ANKFN1: variants seen among roughly 807,000 people sequenced by gnomAD.
ANKFN1 encodes the protein ankyrin repeat and fibronectin type-III domain-containing protein 1.
In ANKFN1, 74 loss-of-function variants were observed where a neutral mutation model predicts 108.7. That is an observed-to-expected ratio of 0.68 (90% confidence interval 0.56 to 0.83). The LOEUF (loss-of-function observed/expected upper bound fraction) is 0.83, where lower values mean the gene tolerates loss of function less well. Ranked by LOEUF, ANKFN1 falls within the 40% of genes least tolerant of loss-of-function variation. ANKFN1 has a pLI of 0.00. For missense variants in ANKFN1, 1,505 were observed against 1,382.3 expected (o/e 1.09, Z -1.41); for synonymous variants, 547 against 516.2 (o/e 1.06, Z -0.81).
At chr17:56,433,208 G>T (rs2048817959) in intron 8 of ANKFN1, among the ~76,000 whole-genome samples, 1 of 152,002 alleles carries the variant, frequency 6.6e-6, no homozygotes, top group Non-Finnish European at 1.5e-5. Context: ...TTTTGAATCT[G>T]CAGCCAAATG....
chr17:56,171,578 C>T (rs1416813395), intron 1 of ANKFN1, among the ~76,000 whole-genome samples: 3 of 152,096 alleles, frequency 2.0e-5, no homozygotes, highest in Non-Finnish European at 2.9e-5. Flanking sequence ...CGTGGGTGAA[C>T]AGAAGGGGAA....
chr17:56,110,450 TGC>T (rs1905898099), intron 4 of ANKFN1, among the ~76,000 whole-genome samples: 1 of 152,224 alleles, frequency 6.6e-6, no homozygotes, highest in African/African-American at 2.4e-5. Flanking sequence ...ATTATATATT[TGC>T]TTGTGGGACT....
chr17:56,448,550 T>A (rs192367278), intron 10 of ANKFN1, among the ~76,000 whole-genome samples: 11 of 152,330 alleles, frequency 7.2e-5, no homozygotes, highest in Non-Finnish European at 1.5e-5. Context: ...GAGCAAAATG[T>A]AGATTTCCAT....
At chr17:56,373,974 T>C (rs1274702772) in intron 7 of ANKFN1, among the ~76,000 whole-genome samples, 1 of 152,178 alleles carries the variant, frequency 6.6e-6, no homozygotes, top group African/African-American at 2.4e-5. Context: ...GGACATGACA[T>C]CCACCCATAA....
chr17:56,320,341 GAACATAAAT>G (rs1298888097), intron 3 of ANKFN1, among the ~76,000 whole-genome samples: 1 of 152,130 alleles, frequency 6.6e-6, no homozygotes, highest in Non-Finnish European at 1.5e-5. Context: ...AAGACAGTGT[GAACATAAAT>G]ATTATAACCT....
chr17:56,347,847 G>A (rs1348093174), intron 4 of ANKFN1, among the ~76,000 whole-genome samples: 1 of 152,038 alleles, frequency 6.6e-6, no homozygotes, highest in Non-Finnish European at 1.5e-5. Context: ...AAGGGGCCAT[G>A]TGGGTAGGTG....
chr17:56,112,524 A>G (rs1221066830), intron 4 of ANKFN1, among the ~76,000 whole-genome samples: 1 of 152,072 alleles, frequency 6.6e-6, no homozygotes, highest in African/African-American at 2.4e-5. Flanking sequence ...CATGTATCCA[A>G]GCCAAATCTA....
At chr17:56,414,640 A>G (rs958877152) in intron 8 of ANKFN1, among the ~76,000 whole-genome samples, 7 of 152,236 alleles carry the variant, frequency 4.6e-5, no homozygotes, top group Admixed American at 4.6e-4. Context: ...AATATATCAT[A>G]TAATCAGAAT....
At chr17:56,351,236 CA>C (rs11312453) in intron 5 of ANKFN1, among the ~76,000 whole-genome samples, 614 of 144,588 alleles carry the variant, frequency 4.2e-3, no homozygotes, top group African/African-American at 0.014. Flanking sequence ...AAATAAACCT[CA>C]AAAAAAAAAG....
intron 8 of ANKFN1, among the ~76,000 whole-genome samples, chr17:56,381,213 C>T (rs1043497431): frequency 1.3e-5 from 2 of 152,218 alleles, no homozygotes; most frequent in African/African-American, 4.8e-5. Context: ...TCCAACAGAC[C>T]TGCAGCTGAG....
intron 3 of ANKFN1, among the ~76,000 whole-genome samples, chr17:56,246,769 A>C (rs920653363): frequency 6.6e-6 from 1 of 152,136 alleles, no homozygotes; most frequent in Non-Finnish European, 1.5e-5. Flanking sequence ...CCTTTGATAT[A>C]TGTAATACAT....
chr17:56,376,222 T>C (rs1283469284), intron 8 of ANKFN1, among the ~76,000 whole-genome samples: 1 of 152,180 alleles, frequency 6.6e-6, no homozygotes, highest in Non-Finnish European at 1.5e-5. Flanking sequence ...CTGCAAACTT[T>C]ACTCTGCCCA....
chr17:56,209,107 G>T (rs897898533), intron 1 of ANKFN1, among the ~76,000 whole-genome samples: 28 of 152,030 alleles, frequency 1.8e-4, no homozygotes, highest in Non-Finnish European at 2.9e-4. Flanking sequence ...TCCTAAAGAA[G>T]TAACTCCTTT....
At chr17:56,298,786 T>G (rs1225910964) in intron 3 of ANKFN1, among the ~76,000 whole-genome samples, 1 of 152,270 alleles carries the variant, frequency 6.6e-6, no homozygotes, top group Non-Finnish European at 1.5e-5. Context: ...AATTTATCTG[T>G]TTTTGGCTAC....
intron 15 of ANKFN1, among the ~76,000 whole-genome samples, chr17:56,469,788 T>TC (rs2050251396): frequency 1.3e-5 from 2 of 151,648 alleles, no homozygotes; most frequent in South Asian, 4.2e-4. Flanking sequence ...TTTTTCTTTT[T>TC]ATTTTTATTT....
chr17:56,352,409 A>G (rs1034569364), intron 5 of ANKFN1, among the ~76,000 whole-genome samples: 2 of 152,200 alleles, frequency 1.3e-5, no homozygotes, highest in African/African-American at 4.8e-5. Context: ...GATCTTCCAC[A>G]TGTTAATCAG....
intron 10 of ANKFN1, among the ~76,000 whole-genome samples, chr17:56,444,892 G>A (rs1390886650): frequency 6.6e-6 from 1 of 152,104 alleles, no homozygotes; most frequent in Non-Finnish European, 1.5e-5. Context: ...CCTGCTATCA[G>A]GCAGACTAAG....
At chr17:56,059,370 A>T (rs572118463) in intron 4 of ANKFN1, among the ~76,000 whole-genome samples, 107 of 152,216 alleles carry the variant, frequency 7.0e-4, no homozygotes, top group African/African-American at 2.6e-3. Context: ...ATGTTCTCCC[A>T]TTCTGTAGGT....
intron 14 of ANKFN1, among the ~76,000 whole-genome samples, chr17:56,460,993 T>C (rs1257541831): frequency 6.6e-6 from 1 of 152,240 alleles, no homozygotes; most frequent in Non-Finnish European, 1.5e-5. Flanking sequence ...CAGAAGCAGA[T>C]GATGCTGCCA....
Sources: allele counts gnomAD v4.1 joint callset (sites outside exome capture counted in the v4.1 genomes callset), GRCh38; gene constraint gnomAD v4.1.1; transcripts MANE v1.5; gene names NCBI Gene and HGNC (gene_info 2026-07-23, HGNC 2026-07-21).